The following MGAT5 variants were observed in gnomAD, a reference collection of about 807,000 sequenced individuals.
MGAT5 encodes alpha-1,6-mannosylglycoprotein 6-beta-N-acetylglucosaminyltransferase.
Under a neutral mutation model 94.3 loss-of-function variants are expected in MGAT5, and 30 were observed. That is an observed-to-expected ratio of 0.32 (90% CI 0.24 to 0.43). The LOEUF is 0.43. MGAT5 is among the 20% of genes least tolerant of loss of function. MGAT5 has a pLI of 1.00. For missense variants in MGAT5, 691 were observed against 905.5 expected, an observed-to-expected ratio of 0.76 and a Z score of 3.04; for synonymous variants, 310 against 322.9, an observed-to-expected ratio of 0.96 and a Z score of 0.43.
intron 9 of MGAT5, among the ~76,000 whole-genome samples, chr2:134,354,193 AATTTCTG>A (rs1679571622): frequency 6.6e-6 from 1 of 152,202 alleles, no homozygotes; most frequent in South Asian, 2.1e-4. Flanking sequence ...ATCATTATAT[AATTTCTG>A]TATAAATATG....
intron 1 of MGAT5, among the ~76,000 whole-genome samples, chr2:134,191,914 C>G (rs909806059): frequency 1.4e-5 from 2 of 145,266 alleles, no homozygotes; most frequent in Non-Finnish European, 3.0e-5. Flanking sequence ...CTGCTCACGC[C>G]AGCGGCTTCC....
At chr2:134,183,120 T>A (rs1282973805) in intron 1 of MGAT5, among the ~76,000 whole-genome samples, 1 of 152,214 alleles carries the variant, frequency 6.6e-6, no homozygotes, top group African/African-American at 2.4e-5. Flanking sequence ...ATTTCTTGGT[T>A]TTGATTCTAA....
chr2:134,271,077 A>T (rs964949533), intron 2 of MGAT5, among the ~76,000 whole-genome samples: 2 of 152,202 alleles, frequency 1.3e-5, no homozygotes, highest in Non-Finnish European at 2.9e-5. Context: ...CCACTCATGT[A>T]CACCACCATG....
At chr2:134,256,428 G>T (rs907777608) in intron 1 of MGAT5, among the ~76,000 whole-genome samples, 1 of 136,912 alleles carries the variant, frequency 7.3e-6, no homozygotes, top group Non-Finnish European at 1.5e-5. Context: ...ATTTTCTCTT[G>T]TTTCTCTCAG....
At chr2:134,253,006 GGATTCA>G (rs1312970777), upstream of MGAT5, 1 of 152,144 alleles carries the variant, frequency 6.6e-6, no homozygotes, top group African/African-American at 2.4e-5. Flanking sequence ...GAACTTCTGA[GGATTCA>G]GTGAGCAAAG....
intron 10 of MGAT5, among the ~76,000 whole-genome samples, chr2:134,374,244 T>C (rs186843321): frequency 6.6e-6 from 1 of 152,296 alleles, no homozygotes; most frequent in African/African-American, 2.4e-5. Context: ...TACACAAGTA[T>C]ATGAAGTGTT....
rs2105956454 is a variant in MGAT5 at position 134,331,691 on chromosome 2, G to GGA, written c.574-4520_574-4519dup. Among the ~76,000 whole-genome samples the GGA allele has an allele frequency of 2.0e-5, 3 of 151,982 alleles. 1 individual carries two copies. The highest frequency in any genetic ancestry group is 2.0e-4 in the Admixed American group (3 of 15,266). On this transcript the variant is annotated intron_variant, in intron 4 of 15. Transcript: ENST00000281923. ...GGGGAAATATAAAATCATGTCCCAG[G>GGA]GAGAGAGTACCAGGAGCCACAGTTG...
intron 4 of MGAT5, among the ~76,000 whole-genome samples, chr2:134,330,691 T>C (rs1687919002): frequency 6.6e-6 from 1 of 152,080 alleles, no homozygotes; most frequent in Non-Finnish European, 1.5e-5. Flanking sequence ...ATATGTAGAT[T>C]AGCAAAAAGA....
intron 9 of MGAT5, among the ~76,000 whole-genome samples, chr2:134,354,806 G>T (rs183005409): frequency 1.3e-5 from 2 of 152,252 alleles, no homozygotes; most frequent in East Asian, 3.9e-4. Context: ...CCAGGAATCT[G>T]GTAAGTCTGG....
At chr2:134,322,495 G>A (rs1393946729) in intron 4 of MGAT5, among the ~76,000 whole-genome samples, 1 of 152,088 alleles carries the variant, frequency 6.6e-6, no homozygotes, top group African/African-American at 2.4e-5. Flanking sequence ...ATTTATTTGT[G>A]GTGAGAGTAT....
At chr2:134,346,295 T>C (rs72978196) in intron 8 of MGAT5, among the ~76,000 whole-genome samples, 3,300 of 152,328 alleles carry the variant, frequency 0.022, 121 homozygotes, top group African/African-American at 0.075. Flanking sequence ...GATAATTTTG[T>C]TATTAAAATG....
intron 14 of MGAT5, among the ~76,000 whole-genome samples, chr2:134,436,935 A>G (rs904197028): frequency 6.6e-6 from 1 of 152,176 alleles, no homozygotes; most frequent in African/African-American, 2.4e-5. Context: ...CCATCGCCAT[A>G]TCACTCATCA....
In MGAT5 at chr2:134,347,413, C is replaced by T. The variant is rs567115302; in HGVS notation, c.1112+2349C>T. 4.6e-5 allele frequency among the ~76,000 whole-genome samples: 7 copies of T among 152,236 alleles called. No individual in the cohort carries two copies. The South Asian group carries it at 1.5e-3, about 32-fold the overall frequency. ...AAGTCCGGGCTTTCAGGAGTTAGGC[C>T]CTTAGCAGACAACTTTACTCATCAG... On this transcript the variant is annotated intron_variant, in intron 8 of 15. Transcript: ENST00000281923.
chr2:134,124,543 T>A (rs1189372780), intron 1 of MGAT5, among the ~76,000 whole-genome samples: 1 of 152,224 alleles, frequency 6.6e-6, no homozygotes, highest in Non-Finnish European at 1.5e-5. Flanking sequence ...CTTGGTTTGG[T>A]GGGAGCAGTT....
intron 2 of MGAT5, among the ~76,000 whole-genome samples, chr2:134,272,068 CA>C (rs1330800753): frequency 6.6e-6 from 1 of 152,224 alleles, no homozygotes; most frequent in African/African-American, 2.4e-5. Context: ...TTCTTTCCCC[CA>C]TCGTGGCATC....
At chr2:134,275,578 C>CTTTTTTTTT (rs11409592) in intron 2 of MGAT5, among the ~76,000 whole-genome samples, 2 of 79,592 alleles carry the variant, frequency 2.5e-5, no homozygotes, top group African/African-American at 5.8e-5. Flanking sequence ...GTGCTATTTC[C>CTTTTTTTTT]TTTTTTTTTT....
intron 10 of MGAT5, among the ~76,000 whole-genome samples, chr2:134,396,000 C>A (rs1411811500): frequency 1.3e-5 from 2 of 152,128 alleles, no homozygotes; most frequent in Non-Finnish European, 2.9e-5. Context: ...GCCTGTGGGC[C>A]AATAGGTGGA....
chr2:134,221,786 A>G (rs1247811559), intron 1 of MGAT5, among the ~76,000 whole-genome samples: 1 of 152,200 alleles, frequency 6.6e-6, no homozygotes, highest in Admixed American at 6.5e-5. Context: ...AACGCAGAAA[A>G]GGTGGGCACG....
chr2:134,179,237 GT>G (rs1462513420), intron 1 of MGAT5, among the ~76,000 whole-genome samples: 4 of 152,190 alleles, frequency 2.6e-5, no homozygotes, highest in Non-Finnish European at 5.9e-5. Context: ...GTGCTGAGGG[GT>G]TGTCTAGTGT....
Sources: gnomAD v4.1 joint callset for allele counts (sites outside exome capture counted in the v4.1 genomes callset) on GRCh38, gnomAD v4.1.1 for gene constraint, MANE v1.5 for transcripts, NCBI Gene and HGNC (gene_info 2026-07-23, HGNC 2026-07-21) for gene names.